The following PCDH9 variants were observed in gnomAD, a reference collection of about 807,000 sequenced individuals.
The protein encoded by PCDH9 is protocadherin 9.
A neutral mutation model predicts 70.6 loss-of-function variants in PCDH9; 24 were observed. The observed-to-expected ratio is 0.34, with a 90% CI of 0.25 to 0.48. The LOEUF (loss-of-function observed/expected upper bound fraction) is 0.48. Among genes scored for constraint, PCDH9 ranks in the 20% least tolerant of loss-of-function variants. The pLI is 0.99. For synonymous variants in PCDH9, 562 were observed against 558.5 expected (o/e 1.01, Z -0.09); for missense variants, 1,281 against 1,503.6 (o/e 0.85, Z 2.45).
intron 2 of PCDH9, among the ~76,000 whole-genome samples, chr13:66,947,783 A>C (rs1243209761): frequency 6.6e-6 from 1 of 152,102 alleles, no homozygotes; most frequent in Non-Finnish European, 1.5e-5. Context: ...AAGAAAGGTA[A>C]GTTGGGGGTG....
At chr13:66,822,997 T>C (rs1056154550) in intron 3 of PCDH9, among the ~76,000 whole-genome samples, 2 of 152,120 alleles carry the variant, frequency 1.3e-5, no homozygotes, top group African/African-American at 4.8e-5. Flanking sequence ...GTATATGTAT[T>C]TTAATAGATA....
chr13:67,049,130 T>G (rs773473191), intron 2 of PCDH9, among the ~76,000 whole-genome samples: 1 of 152,344 alleles, frequency 6.6e-6, no homozygotes, highest in Admixed American at 6.5e-5. Context: ...CTTCTTGTTC[T>G]AATGAAAAGT....
At chr13:66,934,866 G>A (rs1387924777) in intron 2 of PCDH9, among the ~76,000 whole-genome samples, 5 of 144,866 alleles carry the variant, frequency 3.5e-5, no homozygotes, top group South Asian at 4.5e-4. Context: ...GACTACAGGC[G>A]CCCGCTACCA....
intron 2 of PCDH9, chr13:67,220,028 C>T (rs933951582): frequency 6.6e-6 from 1 of 151,576 alleles, no homozygotes; most frequent in East Asian, 1.9e-4. Flanking sequence ...TGTAAAAGAG[C>T]AATACAGACA....
At chr13:66,379,036 TAA>T (rs1299069478) in intron 4 of PCDH9, among the ~76,000 whole-genome samples, 13 of 152,224 alleles carry the variant, frequency 8.5e-5, no homozygotes, top group Non-Finnish European at 2.9e-5. Flanking sequence ...AATCCCTACC[TAA>T]TTGTTTAGCA....
chr13:66,413,693 T>A (rs1957412560), intron 4 of PCDH9, among the ~76,000 whole-genome samples: 1 of 151,512 alleles, frequency 6.6e-6, no homozygotes, highest in African/African-American at 2.4e-5. Flanking sequence ...CTTAAAAAAA[T>A]AAATAAAATA....
chr13:66,552,897 T>A lies in PCDH9; in HGVS notation c.3340+78313A>T, dbSNP rs144695895. ...TGGGGAGGTCTCAGGAAATTTACAA[T>A]CATGGCAGAAGGGGAAGCAAACACG... is the stretch of plus-strand genomic sequence containing the variant. On this transcript the variant is annotated intron_variant, in intron 4 of 4. Transcript: ENST00000377865. Among the ~76,000 whole-genome samples the A allele has an allele frequency of 4.1e-3, 624 of 152,154 alleles. 4 individuals carry two copies. The highest frequency in any genetic ancestry group is 5.7e-3 in the Non-Finnish European group (389 of 68,002).
At chr13:67,104,353 C>A (rs1027168759) in intron 2 of PCDH9, among the ~76,000 whole-genome samples, 1 of 152,152 alleles carries the variant, frequency 6.6e-6, no homozygotes, top group Non-Finnish European at 1.5e-5. Flanking sequence ...ACACGTGGAG[C>A]ATTGCCAGGT....
intron 2 of PCDH9, among the ~76,000 whole-genome samples, chr13:67,168,681 T>C (rs2088192475): frequency 6.6e-6 from 1 of 151,956 alleles, no homozygotes. Flanking sequence ...TGGTGAGCTG[T>C]GTTCAGGCCA....
rs1363577369 is a variant in PCDH9, at chr13:66,903,533, T to A, written c.3109A>T (p.Ile1037Phe). 1 of 1,565,060 alleles carries A rather than the reference T, an allele frequency of 6.4e-7. No individual in the cohort carries two copies. Among genetic ancestry groups the A allele is most frequent in the African/African-American group, 1.4e-5 (1 of 73,630 alleles). ...QKCPSSTGFH[I>F]QENEESHYES... is the part of the protein sequence containing the mutation. ...TAATGGCTTTCTTCATTCTCCTGAA[T>A]GTGGAAACCCGTGGAGCTGGGACAT... Residue 1037 changes from isoleucine (I) to phenylalanine (F), a missense_variant, in exon 3 of 5, where the codon ATT (isoleucine) becomes TTT (phenylalanine). By Grantham distance (21) the Ile-to-Phe change is conservative (BLOSUM62 0). Coordinates refer to ENST00000377865, the MANE Select transcript of PCDH9 (RefSeq NM_203487.3).
intron 4 of PCDH9, among the ~76,000 whole-genome samples, chr13:66,484,937 A>G (rs986647785): frequency 6.6e-6 from 1 of 152,246 alleles, no homozygotes; most frequent in African/African-American, 2.4e-5. Flanking sequence ...TAAAGGATGT[A>G]TAGATATACA....
At chr13:66,359,244 A>G (rs1956429991) in intron 4 of PCDH9, among the ~76,000 whole-genome samples, 1 of 152,054 alleles carries the variant, frequency 6.6e-6, no homozygotes, top group Admixed American at 6.6e-5. Context: ...TCTGAAAGAC[A>G]TTTGAGACAT....
At chr13:67,224,792 A>G in intron 2 of PCDH9, 1 of 891,458 alleles carries the variant, frequency 1.1e-6, no homozygotes, top group Non-Finnish European at 1.3e-6. Context: ...CTTTCTATTA[A>G]GTACCGAATT....
At chr13:66,927,817 G>A (rs1327242336) in intron 2 of PCDH9, among the ~76,000 whole-genome samples, 1 of 152,066 alleles carries the variant, frequency 6.6e-6, no homozygotes, top group Non-Finnish European at 1.5e-5. Context: ...AGATCCTGCT[G>A]CCAAATACAG....
intron 4 of PCDH9, among the ~76,000 whole-genome samples, chr13:66,608,934 G>C (rs796303820): frequency 6.6e-6 from 1 of 152,168 alleles, no homozygotes; most frequent in Admixed American, 6.5e-5. Context: ...TTGCAGCAAA[G>C]ACTTTAGCTA....
At chr13:66,557,351 T>C (rs1339234631) in intron 4 of PCDH9, among the ~76,000 whole-genome samples, 2 of 152,222 alleles carry the variant, frequency 1.3e-5, no homozygotes, top group Non-Finnish European at 2.9e-5. Context: ...TTTTTAAATA[T>C]ACAAATTATC....
chr13:66,335,074 A>G (rs904768761), intron 4 of PCDH9, among the ~76,000 whole-genome samples: 1 of 152,114 alleles, frequency 6.6e-6, no homozygotes, highest in South Asian at 2.1e-4. Context: ...ATAGCCTTCA[A>G]ACCCTTGGTG....
chr13:67,184,946 A>G (rs1386397553), intron 2 of PCDH9, among the ~76,000 whole-genome samples: 1 of 152,162 alleles, frequency 6.6e-6, no homozygotes, highest in Non-Finnish European at 1.5e-5. Flanking sequence ...TGACTGCGAT[A>G]ACTTCTTTCA....
At chr13:66,429,448 TTTGCACCCACAGTGGG>T (rs1957732153) in intron 4 of PCDH9, among the ~76,000 whole-genome samples, 1 of 137,182 alleles carries the variant, frequency 7.3e-6, no homozygotes, top group Non-Finnish European at 1.6e-5. Context: ...TTTTTAATAT[TTTGCACCCACAGTGGG>T]TAAAAAGACT....
Sources: allele counts gnomAD v4.1 joint callset (sites outside exome capture counted in the v4.1 genomes callset), GRCh38; gene constraint gnomAD v4.1.1; transcripts MANE v1.5; gene names NCBI Gene and HGNC (gene_info 2026-07-23, HGNC 2026-07-21).